The following CNTNAP2 variants were observed in gnomAD, a reference collection of about 807,000 sequenced individuals.
CNTNAP2 encodes the protein contactin associated protein 2.
A neutral mutation model predicts 155.2 loss-of-function variants in CNTNAP2; 98 were observed. The ratio of observed to expected loss-of-function variants is 0.63; its 90% CI spans 0.54 to 0.75. The LOEUF (loss-of-function observed/expected upper bound fraction) is 0.75. Among genes scored for constraint, CNTNAP2 ranks in the 30% least tolerant of loss-of-function variants. CNTNAP2 has a pLI of 0.00. For missense variants in CNTNAP2, 1,727 were observed against 1,688.1 expected, an observed-to-expected ratio of 1.02 and a Z score of -0.40; for synonymous variants, 651 against 631.2, an observed-to-expected ratio of 1.03 and a Z score of -0.47.
chr7:148,251,550 C>T (rs2116816479), intron 20 of CNTNAP2, among the ~76,000 whole-genome samples: 1 of 152,266 alleles, frequency 6.6e-6, no homozygotes, highest in East Asian at 1.9e-4. Flanking sequence ...AGTCCCTCTG[C>T]CTTATCTGGG....
At chr7:146,718,908 C>A (rs148904114) in intron 1 of CNTNAP2, among the ~76,000 whole-genome samples, 2 of 152,266 alleles carry the variant, frequency 1.3e-5, no homozygotes, top group African/African-American at 4.8e-5. Context: ...CCTCGGTCTT[C>A]ATGTTCACAA....
intron 4 of CNTNAP2, among the ~76,000 whole-genome samples, chr7:147,076,209 T>G (rs1799998087): frequency 6.6e-6 from 1 of 152,212 alleles, no homozygotes; most frequent in African/African-American, 2.4e-5. Context: ...ATCGCCACAC[T>G]GTCTTCCACA....
chr7:146,133,422 A>T (rs1797747972), intron 1 of CNTNAP2, among the ~76,000 whole-genome samples: 2 of 151,888 alleles, frequency 1.3e-5, no homozygotes, highest in Admixed American at 1.3e-4. Context: ...GTTTAATTAG[A>T]TCCCATTTGT....
Position 147,710,476 on chromosome 7 carries a change from G to C in CNTNAP2, c.2098+71170G>C, listed in dbSNP as rs915860214. Among the ~76,000 whole-genome samples the C allele has an allele frequency of 2.0e-5, 3 of 151,996 alleles. No individual in the cohort carries two copies. In the East Asian group the frequency reaches 5.8e-4, roughly 29 times the overall value. ...CTTTCTTTTTTGCCTTCTGCTTAAAGACAACTTCTACAAGCCTTCAAACCT... is the reference window on the plus strand; with the variant it reads ...CTTTCTTTTTTGCCTTCTGCTTAAACACAACTTCTACAAGCCTTCAAACCT... On this transcript the variant is annotated intron_variant, in intron 13 of 23. Transcript: ENST00000361727.
chr7:148,391,491 T>C (rs1799348478), intron 22 of CNTNAP2, among the ~76,000 whole-genome samples: 1 of 152,262 alleles, frequency 6.6e-6, no homozygotes, highest in South Asian at 2.1e-4. Context: ...CCAATCTTTT[T>C]TTCTTCTAGT....
intron 13 of CNTNAP2, among the ~76,000 whole-genome samples, chr7:147,866,115 A>G (rs1423502813): frequency 6.6e-6 from 1 of 152,206 alleles, no homozygotes; most frequent in Non-Finnish European, 1.5e-5. Flanking sequence ...AGATTCTGGT[A>G]CGTTGTGTCT....
intron 9 of CNTNAP2, among the ~76,000 whole-genome samples, chr7:147,387,046 T>C (rs1796637072): frequency 6.6e-6 from 1 of 152,008 alleles, no homozygotes; most frequent in East Asian, 1.9e-4. Context: ...CCATCAGATC[T>C]CGTGAGACGT....
At chr7:146,929,486 G>C (rs1190197854) in intron 3 of CNTNAP2, among the ~76,000 whole-genome samples, 3 of 152,052 alleles carry the variant, frequency 2.0e-5, no homozygotes, top group African/African-American at 7.2e-5. Flanking sequence ...ACAAAGATGG[G>C]GAAAAAACAG....
chr7:148,117,681 A>G (rs967136207), intron 15 of CNTNAP2, among the ~76,000 whole-genome samples: 2 of 151,990 alleles, frequency 1.3e-5, no homozygotes, highest in African/African-American at 4.8e-5. Flanking sequence ...CCCACAGAGT[A>G]ACCCCAGGGG....
chr7:147,973,930 G>T (rs1042673240), intron 14 of CNTNAP2, among the ~76,000 whole-genome samples: 2 of 152,034 alleles, frequency 1.3e-5, no homozygotes, highest in African/African-American at 4.8e-5. Context: ...CTCACTTAAT[G>T]AATCATGATA....
chr7:146,281,384 C>T (rs1800249298), intron 1 of CNTNAP2, among the ~76,000 whole-genome samples: 1 of 152,126 alleles, frequency 6.6e-6, no homozygotes, highest in South Asian at 2.1e-4. Flanking sequence ...ACTTTCCTGG[C>T]ATTTCTGAAA....
chr7:147,566,588 G>T (rs951394084), intron 12 of CNTNAP2, among the ~76,000 whole-genome samples: 10 of 152,138 alleles, frequency 6.6e-5, no homozygotes, highest in African/African-American at 2.4e-4. Flanking sequence ...TCACAAGGCG[G>T]CAGGAGAGAG....
At chr7:147,988,740 T>C (rs987843195) in intron 15 of CNTNAP2, among the ~76,000 whole-genome samples, 2 of 152,208 alleles carry the variant, frequency 1.3e-5, no homozygotes, top group African/African-American at 4.8e-5. Context: ...GAGATTTCTC[T>C]GCAAATTGAA....
intron 8 of CNTNAP2, among the ~76,000 whole-genome samples, chr7:147,141,027 A>T (rs2129287274): frequency 6.6e-6 from 1 of 152,232 alleles, no homozygotes; most frequent in Admixed American, 6.5e-5. Context: ...CTTACACTAT[A>T]CCTGTCACTG....
At chr7:147,167,714 G>A (rs1802142522) in intron 8 of CNTNAP2, 2 of 306,398 alleles carry the variant, frequency 6.5e-6, no homozygotes, top group Non-Finnish European at 1.2e-5. Flanking sequence ...GGATGCTGAA[G>A]GAGATGAGTG....
At chr7:147,030,723 A>G (rs1008571546) in intron 3 of CNTNAP2, among the ~76,000 whole-genome samples, 12 of 152,198 alleles carry the variant, frequency 7.9e-5, no homozygotes, top group African/African-American at 2.4e-4. Context: ...GACTACTTTT[A>G]GAAGTTATAT....
At chr7:147,600,110 A>G (rs1262721716) in intron 12 of CNTNAP2, among the ~76,000 whole-genome samples, 2 of 152,208 alleles carry the variant, frequency 1.3e-5, no homozygotes. Context: ...CTCATGCAGG[A>G]AATTGGAACA....
chr7:146,242,268 C>T (rs1319170162), intron 1 of CNTNAP2, among the ~76,000 whole-genome samples: 1 of 152,032 alleles, frequency 6.6e-6, no homozygotes, highest in Non-Finnish European at 1.5e-5. Context: ...GGCCGGGCGC[C>T]GTGGCTCACA....
chr7:147,448,706 G>A (rs964956623), intron 10 of CNTNAP2, among the ~76,000 whole-genome samples: 4 of 151,724 alleles, frequency 2.6e-5, no homozygotes, highest in African/African-American at 9.7e-5. Flanking sequence ...ACGGGGAGAG[G>A]CATCATGAAA....
Sources: gnomAD v4.1 joint callset for allele counts (sites outside exome capture counted in the v4.1 genomes callset) on GRCh38, gnomAD v4.1.1 for gene constraint, MANE v1.5 for transcripts, NCBI Gene and HGNC (gene_info 2026-07-23, HGNC 2026-07-21) for gene names.